Variants in BCAS2 observed in about 807,000 individuals in gnomAD.
The protein encoded by BCAS2 is pre-mRNA-splicing factor SPF27.
Under a neutral mutation model 35.3 loss-of-function variants are expected in BCAS2, and 34 were observed. The observed-to-expected ratio is 0.96, with a 90% CI of 0.73 to 1.28. The LOEUF (loss-of-function observed/expected upper bound fraction) is 1.28, where lower values mean the gene tolerates loss of function less well. BCAS2 is among the 50% of genes most tolerant of loss of function. The pLI is 0.00. For synonymous variants in BCAS2, 75 were observed against 91.6 expected (o/e 0.82, Z 1.03); for missense variants, 221 against 268.1 (o/e 0.82, Z 1.23).
chr1:114,572,949 C>T (rs1471248938), intron 4 of BCAS2, among the ~76,000 whole-genome samples: 2 of 151,720 alleles, frequency 1.3e-5, no homozygotes. Flanking sequence ...CCCGTCTCCA[C>T]AAAAAATACA....
chr1:114,581,170 G>T (rs1377604805), intron 2 of BCAS2, 129 bp downstream of exon 2: 3 of 908,944 alleles, frequency 3.3e-6, no homozygotes, highest in Non-Finnish European at 5.4e-6. Flanking sequence ...GTTTTCAATA[G>T]ACTGACACCT....
At chr1:114,577,569 G>T (rs1400400025) in intron 2 of BCAS2, among the ~76,000 whole-genome samples, 1 of 152,134 alleles carries the variant, frequency 6.6e-6, no homozygotes, top group Non-Finnish European at 1.5e-5. Flanking sequence ...GTTTCACCAT[G>T]TTGGCCAGGC....
chr1:114,580,739 C>T (rs1025216108), intron 2 of BCAS2, among the ~76,000 whole-genome samples: 1 of 152,076 alleles, frequency 6.6e-6, no homozygotes, highest in African/African-American at 2.4e-5. Flanking sequence ...TGGCACCTAG[C>T]ACTTGTAAAG....
At chr1:114,573,767 AT>A (rs1654699459) in intron 4 of BCAS2, among the ~76,000 whole-genome samples, 1 of 152,212 alleles carries the variant, frequency 6.6e-6, no homozygotes, top group African/African-American at 2.4e-5. Flanking sequence ...CTTGCAATAT[AT>A]AGATATATAA....
chr1:114,573,333 C>T (rs1039408299), intron 4 of BCAS2, among the ~76,000 whole-genome samples: 1 of 123,916 alleles, frequency 8.1e-6, no homozygotes, highest in African/African-American at 3.0e-5. Context: ...CAACTTAATG[C>T]CCCATCTTTT....
intron 4 of BCAS2, 92 bp downstream of exon 4, chr1:114,575,498 C>A (rs1199935509): frequency 7.7e-7 from 1 of 1,305,680 alleles, no homozygotes; most frequent in African/African-American, 1.5e-5. Context: ...CCCAGCACCT[C>A]CCATACTTTT....
intron 2 of BCAS2, among the ~76,000 whole-genome samples, chr1:114,581,046 C>T (rs74115242): frequency 0.05 from 7,565 of 152,112 alleles, 208 homozygotes; most frequent in South Asian, 0.085. Flanking sequence ...CGCATGGATC[C>T]TATCTCAAAG....
At chr1:114,568,436 A>G (rs1484418213) in intron 6 of BCAS2, among the ~76,000 whole-genome samples, 180 bp from the exon 7 acceptor site, 1 of 148,576 alleles carries the variant, frequency 6.7e-6, no homozygotes, top group African/African-American at 2.5e-5. Flanking sequence ...GCGCAACCTC[A>G]GCTCACTGCA....
rs1232620848 is a variant in BCAS2, at chr1:114,570,092, C to T, written c.471-20G>A. On this transcript the variant is annotated intron_variant, in intron 5 of 6. Coordinates refer to ENST00000369541, the MANE Select transcript of BCAS2 (RefSeq NM_005872.3). Reference sequence around the variant, plus strand: ...TGTTTTCTGTAAAAAATTATTTATACAACCCAATTACATTTTAATGTAAGA... The same window carrying T: ...TGTTTTCTGTAAAAAATTATTTATATAACCCAATTACATTTTAATGTAAGA... 5.2e-6 allele frequency: 8 copies of T among 1,541,728 alleles called. No individual in the cohort carries two copies. The highest frequency in any genetic ancestry group is 4.5e-5 in the South Asian group (4 of 88,342).
intron 4 of BCAS2, among the ~76,000 whole-genome samples, chr1:114,575,119 G>A (rs1338975409): frequency 1.4e-5 from 2 of 143,362 alleles, no homozygotes; most frequent in Admixed American, 1.4e-4. Context: ...TGATCCACCC[G>A]CCTCGGCCTC....
In BCAS2 at chr1:114,581,517, G is replaced by A. The variant is rs372427324; in HGVS notation, c.75C>T (p.Ala25=). 1.1e-5 allele frequency: 17 copies of A among 1,614,114 alleles called. No homozygotes were observed. Among genetic ancestry groups the A allele is most frequent in the Non-Finnish European group, 1.3e-5 (15 of 1,180,028 alleles). ...ALPYFDQGYE[A]PGVREAAAAL... ...CACTCACCGCTTCCCGCACACCAGGGGCTTCATAACCTTGATCAAAATACG... is the reference window on the plus strand; with the variant it reads ...CACTCACCGCTTCCCGCACACCAGGAGCTTCATAACCTTGATCAAAATACG... Residue 25 remains alanine (A), a synonymous_variant, in exon 1 of 7, where the codon GCC becomes GCT. Coordinates refer to ENST00000369541, the MANE Select transcript of BCAS2 (RefSeq NM_005872.3).
chr1:114,575,635 T>A lies in BCAS2; in HGVS notation c.374A>T (p.Glu125Val). ...ATTACATCCATGCTGTGACATTAGT[T>A]CCAGATTCTCAATTCTAACTGCTTG... ...EHQAVRIENL[E>V]LMSQHGCNAW... The change falls in exon 4 of 7, where the codon GAA becomes GTA. Residue 125 changes from glutamate (E) to valine (V), a missense_variant. By Grantham distance (121) the Glu-to-Val change is moderately radical. Coordinates refer to ENST00000369541, the MANE Select transcript of BCAS2 (RefSeq NM_005872.3). 1 of 1,612,252 alleles carries A rather than the reference T, an allele frequency of 6.2e-7. No homozygotes were observed. Among genetic ancestry groups the A allele is most frequent in the Non-Finnish European group, 8.5e-7 (1 of 1,179,816 alleles).
Position 114,568,779 on chromosome 1 carries a change from T to TC in BCAS2, c.552-524dup, listed in dbSNP as rs1274530615. Among the ~76,000 whole-genome samples the TC allele has an allele frequency of 3.1e-3, 437 of 141,092 alleles. 4 individuals are homozygous for TC. Among genetic ancestry groups the TC allele is most frequent in the African/African-American group, 0.011 (405 of 36,934 alleles). 92.6% of individuals were successfully genotyped at this position (141,092 alleles called of 152,430 possible). ...TCTTTTTTTTTTTTTTTTTTTTTTTTCCAGAGACAGGGTCTTGCTCTGTTG... is the reference window on the plus strand; with the variant it reads ...TCTTTTTTTTTTTTTTTTTTTTTTTTCCCAGAGACAGGGTCTTGCTCTGTTG... On this transcript the variant is annotated intron_variant, in intron 6 of 6. Transcript: ENST00000369541.
In BCAS2 at chr1:114,578,231, A is replaced by C. The variant is rs377618108; in HGVS notation, c.187-1473T>G. On this transcript the variant is annotated intron_variant, in intron 2 of 6. Transcript: ENST00000369541. ...AAAACAAAAAAACAAAAAACAAAAA[A>C]CAAAAAATTTCGTATTAAGCATTTC... Among the ~76,000 whole-genome samples, 22 of 152,188 alleles carry C rather than the reference A, an allele frequency of 1.4e-4. No individual in the cohort carries two copies. The East Asian group carries it at 1.9e-3, about 13-fold the overall frequency.
chr1:114,570,066 A>C lies in BCAS2; in HGVS notation c.477T>G (p.His159Gln), dbSNP rs758805171. 14 of 1,607,698 alleles carry C rather than the reference A, an allele frequency of 8.7e-6. No individual in the cohort carries two copies. In the South Asian group the frequency reaches 1.5e-4, roughly 18 times the overall value. ...AQKELQKLRKHIQDLNWQRKN... is the reference protein window; with the variant it reads ...AQKELQKLRKQIQDLNWQRKN... ...TTCTCTGCCAGTTTAAATCTTGAAT[A>C]TGTTTTCTGTAAAAAATTATTTATA... is the stretch of plus-strand genomic sequence containing the variant. The change falls in exon 6 of 7, where the codon CAT becomes CAG. Residue 159 changes from histidine to glutamine, a missense_variant. Coordinates refer to ENST00000369541, the MANE Select transcript of BCAS2 (RefSeq NM_005872.3).
At chr1:114,572,379 T>C (rs1474197258) in intron 4 of BCAS2, among the ~76,000 whole-genome samples, 2 of 152,204 alleles carry the variant, frequency 1.3e-5, no homozygotes, top group Non-Finnish European at 2.9e-5. Flanking sequence ...AGCTTTCCTT[T>C]GAATTGGCTC....
chr1:114,568,189 A>G lies in BCAS2; in HGVS notation c.619T>C (p.Tyr207His), dbSNP rs760799236. Residue 207 changes from tyrosine to histidine, a missense_variant, in exon 7 of 7, where the codon TAT becomes CAT. Physicochemically the swap from Tyr to His is moderately conservative, Grantham distance 83 (BLOSUM62 2). Transcript: ENST00000369541. ...TCTCCATGTTGCTGCTTAATTTGAT[A>G]GATTTCATTTTCTAGCTGAACAATA... ...RTIVQLENEI[Y>H]QIKQQHGEAN... 1.2e-6 allele frequency: 2 copies of G among 1,613,906 alleles called. No individual in the cohort carries two copies. Among genetic ancestry groups the G allele is most frequent in the Non-Finnish European group, 1.7e-6 (2 of 1,179,966 alleles).
chr1:114,580,513 A>G (rs1654863338), intron 2 of BCAS2, among the ~76,000 whole-genome samples: 1 of 152,164 alleles, frequency 6.6e-6, no homozygotes, highest in Admixed American at 6.5e-5. Flanking sequence ...ACCCTCCGCT[A>G]TAGGTCCTTT....
At chr1:114,569,064 C>T (rs528185436) in intron 6 of BCAS2, among the ~76,000 whole-genome samples, 1 of 152,134 alleles carries the variant, frequency 6.6e-6, no homozygotes, top group Admixed American at 6.5e-5. Flanking sequence ...ACACCTGGCT[C>T]TCTGTATTAT....
Sources: allele counts gnomAD v4.1 joint callset (sites outside exome capture counted in the v4.1 genomes callset), GRCh38; gene constraint gnomAD v4.1.1; transcripts MANE v1.5; gene names NCBI Gene and HGNC (gene_info 2026-07-23, HGNC 2026-07-21).